HYDIN: variants seen among roughly 807,000 people sequenced by gnomAD.
HYDIN encodes axonemal central pair apparatus protein HYDIN.
Under a neutral mutation model 403.9 loss-of-function variants are expected in HYDIN, and 132 were observed. The observed-to-expected ratio is 0.33, with a 90% CI of 0.28 to 0.38. The LOEUF (loss-of-function observed/expected upper bound fraction) is 0.38, where lower values mean the gene tolerates loss of function less well. Ranked by LOEUF, HYDIN falls within the 10% of genes least tolerant of loss-of-function variation. The probability of loss-of-function intolerance (pLI) is 1.00; values close to 1 mark genes in which losing one functional copy is unlikely to be tolerated. For synonymous variants in HYDIN, 1,202 were observed against 1,891.7 expected (o/e 0.64, Z 9.46); for missense variants, 2,827 against 5,009.5 (o/e 0.56, Z 13.15).
chr16:70,964,873 A>T lies in HYDIN; in HGVS notation c.5643T>A (p.Tyr1881Ter). 1 of 1,613,784 alleles carries T rather than the reference A, an allele frequency of 6.2e-7. No homozygotes were observed. Among genetic ancestry groups the T allele is most frequent in the Non-Finnish European group, 8.5e-7 (1 of 1,179,936 alleles). ...GCAGCAGCAGGGTGTTGTAGGAATC[A>T]TAGCCCTTCAGCTTCCGCAAGATCT... ...EEKILRKLKG[Y>*]DSYNTLLLPP... is the part of the protein sequence containing the mutation. Residue 1881 changes from tyrosine (Y) to a stop codon, truncating the protein, a stop_gained, in exon 37 of 86, where the codon TAT (tyrosine) becomes TAA (stop). Transcript: ENST00000393567. LOFTEE classifies it high-confidence loss of function.
intron 41 of HYDIN, among the ~76,000 whole-genome samples, chr16:70,949,226 C>A (rs1231189686): frequency 2.1e-5 from 3 of 146,158 alleles, no homozygotes. Context: ...ACAAACACCG[C>A]ATATTCTCAC....
Position 70,805,775 on chromosome 16 carries a change from G to A in HYDIN, c.*1805C>T, listed in dbSNP as rs13335758. On this transcript the variant is annotated 3_prime_UTR_variant, in exon 86 of 86. Coordinates refer to ENST00000393567, the MANE Select transcript of HYDIN (RefSeq NM_001270974.2). ...ATCAGTAGTGTCTTTAGAGGTTATA[G>A]AAATAAATTGTCTATTGAGTATGGC... 0.22 allele frequency among the ~76,000 whole-genome samples: 33,428 copies of A among 152,116 alleles called. 6,499 individuals are homozygous for A. The highest frequency in any genetic ancestry group is 0.53 in the African/African-American group (21,919 of 41,448).
chr16:70,945,251 T>C (rs1417552969), intron 41 of HYDIN, among the ~76,000 whole-genome samples: 2 of 152,176 alleles, frequency 1.3e-5, no homozygotes, highest in Admixed American at 1.3e-4. Context: ...GGACTTCGGA[T>C]GGAACATAAA....
chr16:71,228,171 TA>T (rs1214388699), intron 1 of HYDIN, among the ~76,000 whole-genome samples: 13 of 152,004 alleles, frequency 8.6e-5, no homozygotes, highest in Non-Finnish European at 4.4e-5. Context: ...CAAGATGGAT[TA>T]AAGACTTACA....
rs1597585218 is a variant in HYDIN, at chr16:71,027,824, G to A, written c.2820C>T (p.Ile940=). 1.2e-6 allele frequency: 1 copy of A among 863,268 alleles called. No homozygotes were observed. Among genetic ancestry groups the A allele is most frequent in the East Asian group, 2.6e-5 (1 of 37,942 alleles). The allele number at this position is 863,268 out of a possible 1,614,324, so 53.5% of individuals were successfully genotyped here. Residue 940 remains isoleucine, a synonymous_variant, in exon 20 of 86, where the codon ATC becomes ATT. Transcript: ENST00000393567. ...TATCATTCATCCAGAACAACTGTTG[G>A]ATCCGACGTCCCTTGTTGATCAACT... The part of the protein sequence containing the change: ...HFKLINKGRR[I]QQLFWMNDSF...
intron 85 of HYDIN, among the ~76,000 whole-genome samples, chr16:70,808,927 C>G (rs2035277834): frequency 6.6e-6 from 1 of 152,188 alleles, no homozygotes; most frequent in South Asian, 2.1e-4. Context: ...AAACAGCTCC[C>G]TTCAGAGGGC....
intron 2 of HYDIN, 46 bp from the exon 3 acceptor site, chr16:71,185,036 C>T: frequency 6.9e-7 from 1 of 1,445,408 alleles, no homozygotes; most frequent in South Asian, 1.4e-5. Flanking sequence ...AGTGGATGTA[C>T]TGAAAAAGTG....
In HYDIN at chr16:70,863,041, G is replaced by T. The variant is rs1254780745; in HGVS notation, c.11569+44C>A. On this transcript the variant is annotated intron_variant, in intron 68 of 85. Transcript: ENST00000393567. The stretch of plus-strand genomic sequence containing the variant: ...TCCATGAACAAGGCTCTTCTAATTG[G>T]TGACTCAGGCCAGGCCCTGGGTTTT... 5.1e-6 allele frequency: 8 copies of T among 1,580,286 alleles called. No homozygotes were observed. The African/African-American group carries it at 1.1e-4, about 21-fold the overall frequency.
chr16:70,871,242 A>C (rs2040077790), intron 65 of HYDIN, among the ~76,000 whole-genome samples: 1 of 151,980 alleles, frequency 6.6e-6, no homozygotes, highest in African/African-American at 2.4e-5. Context: ...AGCAAAATTT[A>C]TCCCTAATAG....
rs1249090818 is a variant in HYDIN, at chr16:70,908,338, A to C, written c.8310T>G (p.Phe2770Leu). 7.2e-7 allele frequency: 1 copy of C among 1,379,932 alleles called. No homozygotes were observed. The highest frequency in any genetic ancestry group is 1.0e-6 in the Non-Finnish European group (1 of 984,618). The allele number at this position is 1,379,932 out of a possible 1,614,324, so 85.5% of individuals were successfully genotyped here. The change falls in exon 49 of 86, where the codon TTT (phenylalanine) becomes TTG (leucine). Residue 2770 changes from phenylalanine (F) to leucine (L), a missense_variant. Coordinates refer to ENST00000393567, the MANE Select transcript of HYDIN (RefSeq NM_001270974.2). ...AGCAAGTTCCTAGGATCTCAAAGTT[A>C]AAGGTTTGGTCAAAGTTCCCGAACT... ...SDEFGNFDQT[F>L]NFEILGTCCQ... is the part of the protein sequence containing the mutation.
At chr16:70,954,793 T>C (rs1235109157) in intron 40 of HYDIN, among the ~76,000 whole-genome samples, 1 of 152,254 alleles carries the variant, frequency 6.6e-6, no homozygotes, top group African/African-American at 2.4e-5. Flanking sequence ...ACTGTCCCAA[T>C]AGCTCTTTTC....
intron 23 of HYDIN, among the ~76,000 whole-genome samples, chr16:71,006,914 A>G (rs1310184664): frequency 6.6e-6 from 1 of 151,998 alleles, no homozygotes; most frequent in African/African-American, 2.4e-5. Context: ...TTGTTTCCTC[A>G]TTCAGCTTAT....
intron 41 of HYDIN, among the ~76,000 whole-genome samples, chr16:70,947,844 G>A (rs1337254332): frequency 6.6e-6 from 1 of 151,438 alleles, no homozygotes; most frequent in South Asian, 2.1e-4. Flanking sequence ...ATGCTCATGG[G>A]TAGGAAGAAT....
intron 10 of HYDIN, among the ~76,000 whole-genome samples, chr16:71,096,911 T>TG (rs1223903972): frequency 9.7e-6 from 1 of 102,730 alleles, no homozygotes; most frequent in African/African-American, 6.0e-5. Flanking sequence ...AGCTGGCGAC[T>TG]GGGGGGCATT....
chr16:70,984,140 A>G (rs12103009), intron 28 of HYDIN, among the ~76,000 whole-genome samples: 913 of 147,632 alleles, frequency 6.2e-3, no homozygotes, highest in African/African-American at 0.023. Flanking sequence ...AGGCAGGCAG[A>G]CACCTTGAGT....
At chr16:70,984,371 C>A (rs2079127048) in intron 28 of HYDIN, among the ~76,000 whole-genome samples, 1 of 144,406 alleles carries the variant, frequency 6.9e-6, no homozygotes, top group Non-Finnish European at 1.5e-5. Flanking sequence ...GGTGACAGAG[C>A]CAGACATGGT....
chr16:71,220,403 A>G (rs563770581), intron 1 of HYDIN, among the ~76,000 whole-genome samples: 2 of 152,354 alleles, frequency 1.3e-5, no homozygotes, highest in African/African-American at 4.8e-5. Context: ...GGCCTTGTAT[A>G]CAAGACATAA....
chr16:70,887,892 C>T (rs896964380), intron 58 of HYDIN, among the ~76,000 whole-genome samples: 4 of 152,032 alleles, frequency 2.6e-5, no homozygotes, highest in Admixed American at 2.6e-4. Context: ...ACTGTGTTAT[C>T]CAGGATGGTC....
intron 18 of HYDIN, among the ~76,000 whole-genome samples, chr16:71,043,120 T>G (rs1429549315): frequency 6.6e-6 from 1 of 152,052 alleles, no homozygotes; most frequent in African/African-American, 2.4e-5. Context: ...AAGTAATTTT[T>G]TTTTTCCTCT....
Sources: allele counts gnomAD v4.1 joint callset (sites outside exome capture counted in the v4.1 genomes callset), GRCh38; gene constraint gnomAD v4.1.1; transcripts MANE v1.5; gene names NCBI Gene and HGNC (gene_info 2026-07-23, HGNC 2026-07-21).